The following BBS4 variants were observed in gnomAD, a reference collection of about 807,000 sequenced individuals.
BBS4 encodes the protein BBSome complex member BBS4.
In BBS4, 58 loss-of-function variants were observed where a neutral mutation model predicts 71.4. That is an observed-to-expected ratio of 0.81 (90% CI 0.66 to 1.01). The LOEUF (loss-of-function observed/expected upper bound fraction) is 1.01, where lower values mean the gene tolerates loss of function less well. BBS4 is among the 50% of genes least tolerant of loss of function. The pLI is 0.00. For synonymous variants in BBS4, 228 were observed against 216.8 expected (o/e 1.05, Z -0.46); for missense variants, 660 against 607.9 (o/e 1.09, Z -0.90).
At chr15:72,720,499 AAAAAAG>A in intron 6 of BBS4, among the ~76,000 whole-genome samples, 1 of 152,004 alleles carries the variant, frequency 6.6e-6, no homozygotes, top group South Asian at 2.1e-4. Context: ...AAAAAAAAAA[AAAAAAG>A]AAACAACCTT....
intron 2 of BBS4, among the ~76,000 whole-genome samples, chr15:72,704,211 A>G (rs1002313112): frequency 2.6e-5 from 4 of 152,166 alleles, no homozygotes; most frequent in Non-Finnish European, 5.9e-5. Context: ...ACTAAAAGCC[A>G]TTACCTTGTC....
At chr15:72,719,216 A>G (rs1020523970) in intron 6 of BBS4, among the ~76,000 whole-genome samples, 3 of 151,856 alleles carry the variant, frequency 2.0e-5, no homozygotes, top group Non-Finnish European at 4.4e-5. Context: ...GGGCCCACCA[A>G]TAATCCCTGG....
chr15:72,699,745 A>G (rs932044202), intron 2 of BBS4, among the ~76,000 whole-genome samples: 1 of 152,216 alleles, frequency 6.6e-6, no homozygotes, highest in African/African-American at 2.4e-5. Flanking sequence ...TACAGTATCT[A>G]CTATTTAGCT....
intron 2 of BBS4, among the ~76,000 whole-genome samples, chr15:72,699,962 T>C (rs2065141339): frequency 6.6e-6 from 1 of 152,180 alleles, no homozygotes; most frequent in African/African-American, 2.4e-5. Context: ...TATTTAGAGA[T>C]GGAGTCTCGC....
chr15:72,712,796 T>C (rs985367449), intron 4 of BBS4, among the ~76,000 whole-genome samples: 1 of 152,244 alleles, frequency 6.6e-6, no homozygotes, highest in Admixed American at 6.5e-5. Context: ...TGTATACTAA[T>C]GTAGACTTTA....
intron 2 of BBS4, among the ~76,000 whole-genome samples, chr15:72,696,837 A>G (rs189878799): frequency 1.3e-5 from 2 of 151,978 alleles, no homozygotes; most frequent in Non-Finnish European, 1.5e-5. Context: ...GTGATACTCC[A>G]TCTTCGGCCT....
intron 2 of BBS4, among the ~76,000 whole-genome samples, chr15:72,704,018 T>C (rs1364986882): frequency 2.0e-5 from 3 of 152,142 alleles, no homozygotes; most frequent in Non-Finnish European, 2.9e-5. Flanking sequence ...GTTTAAAATA[T>C]GTCAGGTGCA....
chr15:72,723,008 A>G (rs12372963), intron 7 of BBS4, among the ~76,000 whole-genome samples, 161 bp downstream of exon 7: 2,395 of 152,262 alleles, frequency 0.016, 32 homozygotes, highest in Non-Finnish European at 0.025. Flanking sequence ...CTCACTTGTC[A>G]TTATTCATCT....
chr15:72,733,700 T>A (rs2065870216), intron 12 of BBS4, among the ~76,000 whole-genome samples: 1 of 152,232 alleles, frequency 6.6e-6, no homozygotes, highest in Non-Finnish European at 1.5e-5. Context: ...TGATTTCACA[T>A]CTTTGCTATT....
intron 1 of BBS4, among the ~76,000 whole-genome samples, chr15:72,688,570 T>C (rs1470508146): frequency 6.6e-6 from 1 of 152,068 alleles, no homozygotes; most frequent in Non-Finnish European, 1.5e-5. Context: ...CTCACCACCA[T>C]GCCTGGCTTA....
rs1227809805 is a variant in BBS4 at position 72,735,115 on chromosome 15, G to T, written c.1039G>T (p.Ala347Ser). 6.2e-7 allele frequency: 1 copy of T among 1,612,846 alleles called. No individual in the cohort carries two copies. The highest frequency in any genetic ancestry group is 1.3e-5 in the African/African-American group (1 of 74,888). Residue 347 changes from alanine (A) to serine (S), a missense_variant and splice_region_variant, in exon 13 of 16, where the codon GCT becomes TCT. By Grantham distance (99) the Ala-to-Ser change is moderately conservative (BLOSUM62 1). Coordinates refer to ENST00000268057, the MANE Select transcript of BBS4 (RefSeq NM_033028.5). ...CTGCAGTGCTTTCTTTGTTGCAGTG[G>T]CTCTGACCAATCTGGAAGATATAGA... The part of the protein sequence containing the change: ...MGELYMLLAV[A>S]LTNLEDIENA...
At chr15:72,713,355 A>ACACACACG (rs1341721515) in intron 4 of BBS4, among the ~76,000 whole-genome samples, 1 of 118,466 alleles carries the variant, frequency 8.4e-6, no homozygotes, top group Non-Finnish European at 1.8e-5. Flanking sequence ...ACACACGCAC[A>ACACACACG]CGCACGCACG....
At chr15:72,701,090 C>T (rs2065161518) in intron 2 of BBS4, among the ~76,000 whole-genome samples, 3 of 152,120 alleles carry the variant, frequency 2.0e-5, no homozygotes, top group South Asian at 2.1e-4. Flanking sequence ...ATTATCAGTG[C>T]CCTCCAGGCC....
chr15:72,701,307 T>G (rs991034501), intron 2 of BBS4, among the ~76,000 whole-genome samples: 1 of 152,180 alleles, frequency 6.6e-6, no homozygotes, highest in African/African-American at 2.4e-5. Context: ...TGGTTGGTTG[T>G]TTTCTTCCTT....
chr15:72,727,545 G>A (rs535328577), intron 8 of BBS4, among the ~76,000 whole-genome samples: 7 of 152,224 alleles, frequency 4.6e-5, no homozygotes, highest in African/African-American at 1.7e-4. Context: ...GGCATTGTGA[G>A]CACAATGAGG....
chr15:72,726,134 A>G (rs1445025910), intron 8 of BBS4, among the ~76,000 whole-genome samples: 1 of 144,972 alleles, frequency 6.9e-6, no homozygotes, highest in Non-Finnish European at 1.5e-5. Flanking sequence ...CATTTATTTC[A>G]ACAGTCTCGC....
At chr15:72,715,148 C>A in intron 4 of BBS4, 143 bp from the exon 5 acceptor site, 1 of 674,600 alleles carries the variant, frequency 1.5e-6, no homozygotes, top group Non-Finnish European at 2.6e-6. Flanking sequence ...AAAGCCATAT[C>A]TGATTGTTTT....
At chr15:72,730,010 C>T (rs2065781126) in intron 10 of BBS4, among the ~76,000 whole-genome samples, 1 of 152,186 alleles carries the variant, frequency 6.6e-6, no homozygotes, top group Non-Finnish European at 1.5e-5. Flanking sequence ...GGCGCGGTGG[C>T]TCACGCCTGT....
intron 2 of BBS4, among the ~76,000 whole-genome samples, chr15:72,704,909 AAAAC>A (rs1329861607): frequency 6.6e-6 from 1 of 151,932 alleles, no homozygotes; most frequent in African/African-American, 2.4e-5. Flanking sequence ...AAACAAAACA[AAAAC>A]AAAATGCAAA....
Sources: allele counts gnomAD v4.1 joint callset (sites outside exome capture counted in the v4.1 genomes callset), GRCh38; gene constraint gnomAD v4.1.1; transcripts MANE v1.5; gene names NCBI Gene and HGNC (gene_info 2026-07-23, HGNC 2026-07-21).